The following CLEC12B variants were observed in gnomAD, a reference collection of about 807,000 sequenced individuals.
CLEC12B encodes C-type lectin domain family 12 member B.
Under a neutral mutation model 36.1 loss-of-function variants are expected in CLEC12B, and 25 were observed. The ratio of observed to expected loss-of-function variants is 0.69; its 90% CI spans 0.50 to 0.97. The LOEUF is 0.97. Ranked by LOEUF, CLEC12B falls within the 50% of genes least tolerant of loss-of-function variation. The pLI, the probability that CLEC12B is intolerant of heterozygous loss-of-function variation, is 0.00. For synonymous variants in CLEC12B, 110 were observed against 108.5 expected, an observed-to-expected ratio of 1.01 and a Z score of -0.09; for missense variants, 325 against 318.4, an observed-to-expected ratio of 1.02 and a Z score of -0.16.
In CLEC12B at chr12:10,012,804, C is replaced by T; in HGVS notation, c.111C>T (p.Pro37=). 6.2e-7 allele frequency: 1 copy of T among 1,613,594 alleles called. No homozygotes were observed. The highest frequency in any genetic ancestry group is 8.5e-7 in the Non-Finnish European group (1 of 1,179,852). ...LRKRGHPAPS[P]IWRHAALGLV... The stretch of plus-strand genomic sequence containing the variant: ...CTCCAGGGCATCCAGCTCCATCTCC[C>T]ATTTGGCGTCATGCTGCTCTGGGTC... The change falls in exon 2 of 6, where the codon CCC becomes CCT. Residue 37 remains proline (P), a synonymous_variant. Coordinates refer to ENST00000338896, the MANE Select transcript of CLEC12B (RefSeq NM_001129998.3).
upstream of CLEC12B, among the ~76,000 whole-genome samples, chr12:10,006,782 G>A (rs1052311033): frequency 1.3e-5 from 2 of 152,154 alleles, no homozygotes; most frequent in Non-Finnish European, 2.9e-5. Flanking sequence ...AGGGCCAGGC[G>A]TGGTGGCTCA....
At chr12:10,010,198 T>TCACACACACACACACACACA (rs750091791), upstream of CLEC12B, among the ~76,000 whole-genome samples, 2 of 96,722 alleles carry the variant, frequency 2.1e-5, no homozygotes, top group Non-Finnish European at 4.4e-5. Context: ...TCTGTCTCTC[T>TCACACACACACACACACACA]CTCACACACA....
At chr12:10,013,897 A>G (rs564987926) in intron 2 of CLEC12B, among the ~76,000 whole-genome samples, 2 of 152,330 alleles carry the variant, frequency 1.3e-5, no homozygotes, top group East Asian at 1.9e-4. Context: ...ATATTTAAAA[A>G]TTAAGTGAAA....
At chr12:10,011,432 A>G (rs1244403579) in intron 1 of CLEC12B, among the ~76,000 whole-genome samples, 5 of 152,188 alleles carry the variant, frequency 3.3e-5, no homozygotes, top group Non-Finnish European at 5.9e-5. Flanking sequence ...TACAGATATA[A>G]TTGTAATGAA....
chr12:10,017,090 A>G, intron 5 of CLEC12B: 1 of 985,206 alleles, frequency 1.0e-6, no homozygotes, highest in Non-Finnish European at 1.2e-6. Context: ...TAGGTCTATT[A>G]TTTTCTCCCT....
intron 2 of CLEC12B, chr12:10,013,197 T>C: frequency 3.1e-6 from 1 of 326,370 alleles, no homozygotes; most frequent in Non-Finnish European, 5.7e-6. Flanking sequence ...ATTCCAATGC[T>C]GAGAAATAAA....
chr12:10,006,352 C>T (rs1299644641), upstream of CLEC12B, among the ~76,000 whole-genome samples: 2 of 151,988 alleles, frequency 1.3e-5, no homozygotes, highest in Non-Finnish European at 2.9e-5. Flanking sequence ...AATTTTTGGA[C>T]ATTATCAATG....
At chr12:10,009,571 A>C (rs1455267858), upstream of CLEC12B, among the ~76,000 whole-genome samples, 12 of 151,680 alleles carry the variant, frequency 7.9e-5, no homozygotes, top group Non-Finnish European at 1.5e-4. Context: ...GAAAAAAAAA[A>C]AAACAAAAAA....
chr12:10,013,447 T>A (rs1865389076), intron 2 of CLEC12B: 1 of 154,090 alleles, frequency 6.5e-6, no homozygotes, highest in Non-Finnish European at 1.4e-5. Flanking sequence ...GAAGCTCCAC[T>A]CTCAAGCACC....
chr12:10,008,550 G>C (rs1865257121), upstream of CLEC12B, among the ~76,000 whole-genome samples: 1 of 152,186 alleles, frequency 6.6e-6, no homozygotes, highest in Admixed American at 6.5e-5. Flanking sequence ...CTGCAACAAA[G>C]TGAGTTTTTA....
chr12:10,010,945 G>C, intron 1 of CLEC12B, 95 bp downstream of exon 1: 2 of 730,034 alleles, frequency 2.7e-6, no homozygotes, highest in Non-Finnish European at 4.6e-6. Flanking sequence ...TTAAAGACAT[G>C]TGCTGTGAAA....
At chr12:10,015,773 C>A in intron 5 of CLEC12B, 46 bp downstream of exon 5, 1 of 1,605,018 alleles carries the variant, frequency 6.2e-7, no homozygotes, top group Non-Finnish European at 8.5e-7. Context: ...TCCATGGAAT[C>A]CTGGGAAAAT....
rs1451025769 is a variant in CLEC12B at position 10,014,539 on chromosome 12, T to TATTA, written c.207_208insATTA (p.Asp70IlefsTer4). 5.0e-6 allele frequency: 8 copies of TATTA among 1,613,068 alleles called. No individual in the cohort carries two copies. Among genetic ancestry groups the TATTA allele is most frequent in the African/African-American group, 1.3e-5 (1 of 74,908 alleles). On this transcript the variant is annotated frameshift_variant, in exon 3 of 6. Transcript: ENST00000338896. LOFTEE classifies it high-confidence loss of function. ...GTCTTGGAGTTTTGCAGATATCTAATGACATTAACTCAGATTCAGAGAAAT... is the reference window on the plus strand; with the variant it reads ...GTCTTGGAGTTTTGCAGATATCTAATATTAGACATTAACTCAGATTCAGAGAAAT...
chr12:10,010,744 A>C lies in CLEC12B; in HGVS notation c.-16A>C. The C allele has an allele frequency of 6.7e-7, 1 of 1,488,396 alleles. No homozygotes were observed. Among genetic ancestry groups the C allele is most frequent in the Non-Finnish European group, 9.4e-7 (1 of 1,066,734 alleles). The allele number at this position is 1,488,396 out of a possible 1,614,324, so 92.2% of individuals were successfully genotyped here. ...AAACATTAATTAGATAATTTAAAGT[A>C]GCGTTTTCTTCTACAATGTCTGAAG... On this transcript the variant is annotated 5_prime_UTR_variant, in exon 1 of 6. Coordinates refer to ENST00000338896, the MANE Select transcript of CLEC12B (RefSeq NM_001129998.3).
At chr12:10,010,934 G>A (rs905834875) in intron 1 of CLEC12B, 84 bp downstream of exon 1, 44 of 798,162 alleles carry the variant, frequency 5.5e-5, no homozygotes, top group Non-Finnish European at 7.5e-5. Context: ...TAATACTGGC[G>A]TTAAAGACAT....
At chr12:10,014,770 C>A in intron 3 of CLEC12B, 29 bp downstream of exon 3, 2 of 1,476,480 alleles carry the variant, frequency 1.4e-6, no homozygotes, top group South Asian at 1.1e-5. Context: ...GCTGACCAGT[C>A]AGATGGCATA....
rs904502184 is a variant in CLEC12B, at chr12:10,017,496, C to T, written c.681-835C>T. 1.3e-5 allele frequency: 13 copies of T among 985,136 alleles called. No individual in the cohort carries two copies. In the South Asian group the frequency reaches 6.1e-4, roughly 46 times the overall value. 61.0% of individuals were successfully genotyped at this position (985,136 alleles called of 1,614,324 possible). The stretch of plus-strand genomic sequence containing the variant: ...CTTAATCAAAGTGTGGAGGAGGTGG[C>T]CCCCACAGCAGGGTTTGGAACCTAC... On this transcript the variant is annotated intron_variant, in intron 5 of 5. Transcript: ENST00000338896.
At position 10,018,633 on chromosome 12, in the gene CLEC12B, C is replaced by T. The variant is rs934865855; in HGVS notation, c.*152C>T. ...ATGAACTTGTTTAACAGAACATTCT[C>T]CAGTTCCTTGTCTGACGTCTTCTGA... On this transcript the variant is annotated 3_prime_UTR_variant, in exon 6 of 6. Transcript: ENST00000338896. The T allele has an allele frequency of 4.6e-6, 3 of 653,388 alleles. No homozygotes were observed. Among genetic ancestry groups the T allele is most frequent in the Middle Eastern group, 4.9e-4 (2 of 4,042 alleles). 40.5% of individuals were successfully genotyped at this position (653,388 alleles called of 1,614,324 possible).
intron 5 of CLEC12B, 99 bp downstream of exon 5, chr12:10,015,826 G>A: frequency 6.3e-7 from 1 of 1,575,966 alleles, no homozygotes; most frequent in Non-Finnish European, 8.6e-7. Context: ...ATAAAAAGAG[G>A]AGTACAACAT....
Sources: gnomAD v4.1 joint callset for allele counts (sites outside exome capture counted in the v4.1 genomes callset) on GRCh38, gnomAD v4.1.1 for gene constraint, MANE v1.5 for transcripts, NCBI Gene and HGNC (gene_info 2026-07-23, HGNC 2026-07-21) for gene names.